The following DYM variants were observed in gnomAD, a reference collection of about 807,000 sequenced individuals.
The protein encoded by DYM is dymeclin.
DYM carries 78 observed loss-of-function variants against 93.1 expected under a neutral mutation model. That is an observed-to-expected ratio of 0.84 (90% CI 0.70 to 1.01). The LOEUF is 1.01. Ranked by LOEUF, DYM falls within the 50% of genes least tolerant of loss-of-function variation. The probability of loss-of-function intolerance (pLI) is 0.00; values close to 1 mark genes in which losing one functional copy is unlikely to be tolerated. For missense variants in DYM, 789 were observed against 845.0 expected (o/e 0.93, Z 0.82); for synonymous variants, 321 against 319.7 (o/e 1.00, Z -0.04).
At chr18:49,282,222 T>C (rs766612113) in intron 9 of DYM, 47 bp from the exon 10 acceptor site, 2 of 1,518,724 alleles carry the variant, frequency 1.3e-6, no homozygotes, top group Middle Eastern at 1.7e-4. Context: ...CTGTGCTTTA[T>C]ATAAATAAAA....
intron 8 of DYM, among the ~76,000 whole-genome samples, chr18:49,308,849 A>T (rs1462456650): frequency 1.3e-5 from 2 of 152,156 alleles, no homozygotes; most frequent in African/African-American, 2.4e-5. Flanking sequence ...ACTGCAGTGT[A>T]ATGTAGAAAG....
chr18:49,238,543 T>G (rs1280280537), intron 13 of DYM, among the ~76,000 whole-genome samples: 1 of 152,056 alleles, frequency 6.6e-6, no homozygotes, highest in Non-Finnish European at 1.5e-5. Context: ...TTAGTTCCCC[T>G]AAGCCTAGCA....
chr18:49,077,547 A>G (rs2077409943), intron 17 of DYM, among the ~76,000 whole-genome samples: 1 of 152,324 alleles, frequency 6.6e-6, no homozygotes, highest in East Asian at 1.9e-4. Flanking sequence ...GTCTTCAGTG[A>G]ATTTTTCTGG....
chr18:49,202,566 G>A (rs1415413736), intron 14 of DYM, among the ~76,000 whole-genome samples: 8 of 129,594 alleles, frequency 6.2e-5, no homozygotes, highest in Admixed American at 3.1e-4. Flanking sequence ...CTTCCCAGCC[G>A]CCATCACATC....
At chr18:49,057,327 C>T (rs2075588085) in intron 17 of DYM, among the ~76,000 whole-genome samples, 1 of 152,214 alleles carries the variant, frequency 6.6e-6, no homozygotes, top group Admixed American at 6.5e-5. Context: ...AGGACTTCAC[C>T]TCTGCAGACT....
intron 17 of DYM, among the ~76,000 whole-genome samples, chr18:49,079,694 CAT>C (rs1242473390): frequency 2.6e-5 from 4 of 151,696 alleles, no homozygotes; most frequent in Non-Finnish European, 4.4e-5. Flanking sequence ...GGACACAGCA[CAT>C]GTTTCAGAGA....
intron 13 of DYM, among the ~76,000 whole-genome samples, chr18:49,253,498 A>G (rs930929781): frequency 2.6e-5 from 4 of 152,202 alleles, no homozygotes; most frequent in African/African-American, 9.7e-5. Context: ...CCAAAACTCA[A>G]AAGTGTTTTC....
At position 49,241,510 on chromosome 18, in the gene DYM, G is replaced by A. The variant is rs529462955; in HGVS notation, c.1460+15500C>T. ...CAATATGAGTGATAGAGTAAGCCCC[G>A]AACTCAATCAGATTCTAAATGACTA... On this transcript the variant is annotated intron_variant, in intron 13 of 17. Coordinates refer to ENST00000675505, the MANE Select transcript of DYM (RefSeq NM_001353214.3). 9.9e-5 allele frequency among the ~76,000 whole-genome samples: 15 copies of A among 152,218 alleles called. No homozygotes were observed. In the South Asian group the frequency reaches 2.7e-3, roughly 27 times the overall value.
In DYM at chr18:49,036,867, C is replaced by A. The variant is rs1266949370; in HGVS notation, c.*7188G>T. ...TTCCTCTCTCCTGCCCTTTCTCCTT[C>A]CTTCTTTGATCAGTCTTTTAAGGGG... is the stretch of plus-strand genomic sequence containing the variant. On this transcript the variant is annotated 3_prime_UTR_variant, in exon 18 of 18. Transcript: ENST00000675505. Among the ~76,000 whole-genome samples, 1 of 151,954 alleles carries A rather than the reference C, an allele frequency of 6.6e-6. No individual in the cohort carries two copies. Among genetic ancestry groups the A allele is most frequent in the African/African-American group, 2.4e-5 (1 of 41,382 alleles).
intron 6 of DYM, among the ~76,000 whole-genome samples, chr18:49,339,343 A>G (rs2063909996): frequency 6.6e-6 from 1 of 152,246 alleles, no homozygotes; most frequent in Non-Finnish European, 1.5e-5. Flanking sequence ...GCTTCCTGCT[A>G]TTCATGCCCT....
chr18:49,286,717 G>A (rs1222532261), intron 8 of DYM, 101 bp from the exon 9 acceptor site: 5 of 1,150,766 alleles, frequency 4.3e-6, no homozygotes, highest in African/African-American at 3.1e-5. Flanking sequence ...GTAATGAGCA[G>A]TTCCAAAGTG....
At chr18:49,079,878 A>G (rs1473172659) in intron 17 of DYM, among the ~76,000 whole-genome samples, 8 of 150,182 alleles carry the variant, frequency 5.3e-5, no homozygotes, top group African/African-American at 2.0e-4. Context: ...ATTCCACAAA[A>G]CCGCCATTGT....
At position 49,098,035 on chromosome 18, in the gene DYM, A is replaced by G. The variant is rs924351051; in HGVS notation, c.1912-520T>C. On this transcript the variant is annotated intron_variant, in intron 16 of 17. Coordinates refer to ENST00000675505, the MANE Select transcript of DYM (RefSeq NM_001353214.3). ...CAGGGATAACAAATAGCAACCTATA[A>G]TTACTTTTGCTTCATGTTATAGCAC... Among the ~76,000 whole-genome samples, 17 of 152,272 alleles carry G rather than the reference A, an allele frequency of 1.1e-4. No individual in the cohort carries two copies. In the South Asian group the frequency reaches 3.1e-3, roughly 28 times the overall value.
At chr18:49,280,248 T>C (rs1160891641) in intron 10 of DYM, among the ~76,000 whole-genome samples, 1 of 152,192 alleles carries the variant, frequency 6.6e-6, no homozygotes, top group Admixed American at 6.5e-5. Flanking sequence ...GAACAAAAAT[T>C]TGAGAACTAA....
intron 1 of DYM, among the ~76,000 whole-genome samples, chr18:49,445,728 C>T (rs900378828): frequency 1.3e-5 from 2 of 152,136 alleles, no homozygotes; most frequent in Admixed American, 6.6e-5. Context: ...GGAACAGGGA[C>T]ACAAAACAAC....
At chr18:49,093,237 CTG>C (rs2079230423) in intron 17 of DYM, 1 of 152,170 alleles carries the variant, frequency 6.6e-6, no homozygotes. Context: ...AGCCATGAAA[CTG>C]TGAGAACCCA....
chr18:49,300,132 T>A (rs12604693), intron 8 of DYM, among the ~76,000 whole-genome samples: 11,523 of 147,854 alleles, frequency 0.078, 718 homozygotes, highest in East Asian at 0.31. Flanking sequence ...CATATTTGTA[T>A]GAAATTCTTT....
chr18:49,268,052 A>G (rs2094601770), intron 11 of DYM, among the ~76,000 whole-genome samples: 1 of 152,240 alleles, frequency 6.6e-6, no homozygotes, highest in African/African-American at 2.4e-5. Context: ...ATCTACAATT[A>G]TTTCAAAATA....
chr18:49,107,688 C>T (rs2080980635), intron 16 of DYM, among the ~76,000 whole-genome samples: 2 of 152,174 alleles, frequency 1.3e-5, no homozygotes, highest in South Asian at 4.1e-4. Flanking sequence ...CGCTGTTTGC[C>T]TGGGTATCAG....
Sources: allele counts gnomAD v4.1 joint callset (sites outside exome capture counted in the v4.1 genomes callset), GRCh38; gene constraint gnomAD v4.1.1; transcripts MANE v1.5; gene names NCBI Gene and HGNC (gene_info 2026-07-23, HGNC 2026-07-21).